Variants in INPP5D observed in about 807,000 individuals in gnomAD.
The protein encoded by INPP5D is inositol polyphosphate-5-phosphatase D.
A neutral mutation model predicts 122.9 loss-of-function variants in INPP5D; 33 were observed. The ratio of observed to expected loss-of-function variants is 0.27; its 90% CI spans 0.20 to 0.36. INPP5D has a LOEUF of 0.36. INPP5D is among the 10% of genes least tolerant of loss of function. INPP5D has a pLI of 1.00. For synonymous variants in INPP5D, 584 were observed against 576.2 expected, an observed-to-expected ratio of 1.01 and a Z score of -0.19; for missense variants, 1,053 against 1,412.7, an observed-to-expected ratio of 0.75 and a Z score of 4.08.
chr2:233,114,777 A>G lies in INPP5D; in HGVS notation c.199-7330A>G, dbSNP rs746605284. The stretch of plus-strand genomic sequence containing the variant: ...TCCACCACAGCCGAGTGGTGTTTTC[A>G]CCGTCCTCTCTAGTGGCTTTCTCAT... On this transcript the variant is annotated intron_variant, in intron 2 of 26. Coordinates refer to ENST00000445964, the MANE Select transcript of INPP5D (RefSeq NM_001017915.3). 9.3e-4 allele frequency among the ~76,000 whole-genome samples: 141 copies of G among 151,918 alleles called. 2 individuals carry two copies. Among genetic ancestry groups the G allele is most frequent in the Non-Finnish European group, 3.7e-4 (25 of 67,988 alleles).
In INPP5D at chr2:233,164,109, C is replaced by T. The variant is rs1184820338; in HGVS notation, c.1438-198C>T. ...AACCACTGAGTCCTCTATCTTCCCA[C>T]CCTTGGTCAGCCCCGGTTCTCATCT... On this transcript the variant is annotated intron_variant, in intron 12 of 26. Transcript: ENST00000445964. This position sits in a 1 kb window ranked among gnomAD's most constrained non-coding sequence, Gnocchi z 4.3. Among the ~76,000 whole-genome samples, 1 of 152,160 alleles carries T rather than the reference C, an allele frequency of 6.6e-6. No individual in the cohort carries two copies. The highest frequency in any genetic ancestry group is 2.4e-5 in the African/African-American group (1 of 41,440).
chr2:233,063,872 G>A (rs1691140171), intron 1 of INPP5D, among the ~76,000 whole-genome samples: 1 of 152,264 alleles, frequency 6.6e-6, no homozygotes, highest in Admixed American at 6.5e-5. Context: ...CTGCTCCGGG[G>A]GGAGTCTGTG....
At chr2:233,121,728 G>A (rs1692985920) in intron 2 of INPP5D, among the ~76,000 whole-genome samples, 1 of 151,796 alleles carries the variant, frequency 6.6e-6, no homozygotes, top group Admixed American at 6.6e-5. Context: ...GTTTCATCGT[G>A]TTGGCCAGGC....
chr2:233,075,013 G>A (rs572990240), intron 1 of INPP5D, among the ~76,000 whole-genome samples: 97 of 152,182 alleles, frequency 6.4e-4, no homozygotes, highest in African/African-American at 2.2e-3. Flanking sequence ...CCATATTAGA[G>A]TAGAACTTCT....
chr2:233,195,827 C>T (rs1229713162), intron 24 of INPP5D, among the ~76,000 whole-genome samples: 4 of 152,086 alleles, frequency 2.6e-5, no homozygotes, highest in African/African-American at 7.2e-5. Flanking sequence ...ATTAGCTGGG[C>T]GTGGTGGTGG....
intron 1 of INPP5D, among the ~76,000 whole-genome samples, chr2:233,061,010 G>A (rs1174051599): frequency 1.3e-5 from 2 of 152,238 alleles, no homozygotes; most frequent in Non-Finnish European, 2.9e-5. Context: ...AGCAAAGGTG[G>A]CAAGGGGGAC....
At chr2:233,094,582 A>G (rs1242724030) in intron 2 of INPP5D, among the ~76,000 whole-genome samples, 1 of 148,632 alleles carries the variant, frequency 6.7e-6, no homozygotes, top group Non-Finnish European at 1.5e-5. Context: ...AATTGTATAT[A>G]AGGCTCACAT....
At chr2:233,106,800 G>A (rs1206162346) in intron 2 of INPP5D, among the ~76,000 whole-genome samples, 1 of 152,230 alleles carries the variant, frequency 6.6e-6, no homozygotes, top group Non-Finnish European at 1.5e-5. Flanking sequence ...TTTCCCAGAT[G>A]AGGGTTCCAC....
intron 13 of INPP5D, among the ~76,000 whole-genome samples, chr2:233,165,236 CATATCT>C: frequency 6.6e-6 from 1 of 152,046 alleles, no homozygotes; most frequent in East Asian, 1.9e-4. Context: ...CGTACCACCC[CATATCT>C]ATGAGTGTGT....
intron 3 of INPP5D, among the ~76,000 whole-genome samples, chr2:233,123,029 T>C (rs1693038128): frequency 1.3e-5 from 2 of 152,210 alleles, no homozygotes; most frequent in Admixed American, 1.3e-4. Context: ...GATTACAATC[T>C]GCTGAATTTC....
intron 2 of INPP5D, among the ~76,000 whole-genome samples, chr2:233,117,420 T>C (rs1325094058): frequency 6.6e-6 from 1 of 152,198 alleles, no homozygotes; most frequent in African/African-American, 2.4e-5. Flanking sequence ...TGCTTTCTCA[T>C]TGGGTTTGGC....
intron 5 of INPP5D, chr2:233,130,857 G>C: frequency 1.4e-6 from 1 of 715,848 alleles, no homozygotes; most frequent in Non-Finnish European, 2.5e-6. Flanking sequence ...GTGTGCTGCA[G>C]CTTTTTACAA....
chr2:233,136,523 G>A (rs1693470778), intron 5 of INPP5D, among the ~76,000 whole-genome samples: 1 of 151,246 alleles, frequency 6.6e-6, no homozygotes, highest in Admixed American at 6.6e-5. Context: ...TACAAACTGA[G>A]TCCAGATTGT....
rs1336401712 is a variant in INPP5D at position 233,170,116 on chromosome 2, C to T, written c.1743C>T (p.His581=). 1 of 1,613,930 alleles carries T rather than the reference C, an allele frequency of 6.2e-7. No homozygotes were observed. The highest frequency in any genetic ancestry group is 8.5e-7 in the Non-Finnish European group (1 of 1,179,912). The change falls in exon 15 of 27, where the codon CAC becomes CAT. Residue 581 remains histidine, a synonymous_variant. Coordinates refer to ENST00000445964, the MANE Select transcript of INPP5D (RefSeq NM_001017915.3). The surrounding 1 kb of genome is among the most constrained non-coding windows in gnomAD (Gnocchi z 4.5). ...SPFNITHRFT[H]LFWFGDLNYR... ...TTAACATCACTCACCGCTTCACGCA[C>T]CTCTTCTGGTTTGGGGATCTTAACT...
intron 18 of INPP5D, among the ~76,000 whole-genome samples, chr2:233,180,876 G>A (rs1434527975): frequency 6.6e-6 from 1 of 151,268 alleles, no homozygotes; most frequent in Non-Finnish European, 1.5e-5. Context: ...GTTTTGCCAT[G>A]TTGGCCAGGC....
Position 233,197,790 on chromosome 2 carries a change from T to C in INPP5D, c.2694-305T>C, listed in dbSNP as rs1291740763. Among the ~76,000 whole-genome samples, 1 of 152,204 alleles carries C rather than the reference T, an allele frequency of 6.6e-6. No homozygotes were observed. Among genetic ancestry groups the C allele is most frequent in the Non-Finnish European group, 1.5e-5 (1 of 68,032 alleles). ...TTCAGCACTACATCAATACCGTGTC[T>C]CTGTGTCACTGAGCTTGTTTTTCTC... On this transcript the variant is annotated intron_variant, in intron 24 of 26. Transcript: ENST00000445964. The surrounding 1 kb of genome is among the most constrained non-coding windows in gnomAD (Gnocchi z 4.4).
intron 9 of INPP5D, among the ~76,000 whole-genome samples, chr2:233,157,530 T>C (rs1383742407): frequency 2.0e-5 from 3 of 152,228 alleles, no homozygotes; most frequent in East Asian, 1.9e-4. Context: ...AGCATTTTGA[T>C]AATCAGAATA....
chr2:233,157,224 A>G (rs1210465569), intron 9 of INPP5D, among the ~76,000 whole-genome samples: 1 of 152,230 alleles, frequency 6.6e-6, no homozygotes, highest in Non-Finnish European at 1.5e-5. Context: ...CTGGGGTCCA[A>G]GAAATGGGAT....
At position 233,198,120 on chromosome 2, in the gene INPP5D, A is replaced by G; in HGVS notation, c.2719A>G (p.Ile907Val). ...GGCCCCTCCGTGCAGTGGCTCCAGC[A>G]TCACTGAAATCATCAACCCCAACTA... ...SRAPPCSGSS[I>V]TEIINPNYMG... The change falls in exon 25 of 27, where the codon ATC becomes GTC. Residue 907 changes from isoleucine to valine, a missense_variant. Around this residue, in one of 6 missense-constraint regions of INPP5D, gnomAD observed 417 missense variants for 425.8 expected, o/e 0.98. Coordinates refer to ENST00000445964, the MANE Select transcript of INPP5D (RefSeq NM_001017915.3). The G allele has an allele frequency of 6.2e-7, 1 of 1,610,408 alleles. No individual in the cohort carries two copies. Among genetic ancestry groups the G allele is most frequent in the Non-Finnish European group, 8.5e-7 (1 of 1,178,002 alleles).
Sources: gnomAD v4.1 joint callset for allele counts (sites outside exome capture counted in the v4.1 genomes callset) on GRCh38, gnomAD v4.1.1 for gene constraint, gnomAD v4.1.1 regional missense constraint, Gnocchi (gnomAD v3.1) non-coding constraint, MANE v1.5 for transcripts, NCBI Gene and HGNC (gene_info 2026-07-23, HGNC 2026-07-21) for gene names.